Variants in ZNF793 observed in about 807,000 individuals in gnomAD.
The protein encoded by ZNF793 is zinc finger protein 793.
In ZNF793, 5 loss-of-function variants were observed where a neutral mutation model predicts 12.4. The ratio of observed to expected loss-of-function variants is 0.40; its 90% confidence interval spans 0.21 to 0.84. ZNF793 has a LOEUF of 0.84. ZNF793 is among the 40% of genes least tolerant of loss of function. The pLI is 0.35. For missense variants in ZNF793, 456 were observed against 495.0 expected, an observed-to-expected ratio of 0.92 and a Z score of 0.75; for synonymous variants, 162 against 172.4, an observed-to-expected ratio of 0.94 and a Z score of 0.47.
intron 7 of ZNF793, chr19:37,536,325 C>T: frequency 5.0e-6 from 2 of 397,170 alleles, no homozygotes. Context: ...AATGCAGAGT[C>T]TGATTAAGTA....
chr19:37,537,972 C>G lies in ZNF793; in HGVS notation c.*93C>G. ...TGTCACCCAGGCTGGAGTGCAGTGG[C>G]GCGATCTCGGCTTACTGCAAGCTCT... On this transcript the variant is annotated 3_prime_UTR_variant, in exon 8 of 8. Coordinates refer to ENST00000627814, the MANE Select transcript of ZNF793 (RefSeq NM_001013659.3). The G allele has an allele frequency of 7.2e-7, 1 of 1,382,358 alleles. No homozygotes were observed. Among genetic ancestry groups the G allele is most frequent in the East Asian group, 2.5e-5 (1 of 39,556 alleles). 85.6% of individuals were successfully genotyped at this position (1,382,358 alleles called of 1,614,324 possible).
In ZNF793 at chr19:37,525,140, C is replaced by CT. The variant is rs553421764; in HGVS notation, c.15+1700dup. 7.1e-3 allele frequency among the ~76,000 whole-genome samples: 1,025 copies of CT among 143,842 alleles called. 9 individuals are homozygous for CT. Among genetic ancestry groups the CT allele is most frequent in the African/African-American group, 0.018 (725 of 39,528 alleles). The allele number at this position is 143,842 out of a possible 152,430, so 94.4% of individuals were successfully genotyped here. A position where few individuals can be genotyped will look rare whatever the true frequency, so the allele number is the denominator to read the frequency against. ...CAAATGATTTCTTTCTGTTTTCTCT[C>CT]TTTTTTTTTTTTTTGAGTTGGAGTC... On this transcript the variant is annotated intron_variant, in intron 5 of 7. Transcript: ENST00000627814.
intron 5 of ZNF793, among the ~76,000 whole-genome samples, chr19:37,530,242 G>A (rs538076822): frequency 1.2e-4 from 19 of 152,122 alleles, no homozygotes; most frequent in East Asian, 7.7e-4. Context: ...GTTTTATACC[G>A]AGACATTCCA....
At chr19:37,509,384 A>T (rs1347831267) in intron 2 of ZNF793, among the ~76,000 whole-genome samples, 1 of 152,244 alleles carries the variant, frequency 6.6e-6, no homozygotes, top group Non-Finnish European at 1.5e-5. Context: ...TTAATGAAAA[A>T]GTGCAATGTC....
At chr19:37,522,076 G>A (rs557959877) in intron 3 of ZNF793, among the ~76,000 whole-genome samples, 1 of 152,138 alleles carries the variant, frequency 6.6e-6, no homozygotes, top group South Asian at 2.1e-4. Context: ...TGATTACAAA[G>A]TCAGTGTTAT....
Position 37,521,663 on chromosome 19 carries a change from G to A in ZNF793, c.-146-869G>A, listed in dbSNP as rs186928724. ...TCACTATGTTGGTCAGGCTTGTCTC[G>A]AACTCCCAACCTCAGGTGATACACC... On this transcript the variant is annotated intron_variant, in intron 3 of 7. Transcript: ENST00000627814. 3.2e-3 allele frequency among the ~76,000 whole-genome samples: 475 copies of A among 150,634 alleles called. 4 individuals carry two copies. Among genetic ancestry groups the A allele is most frequent in the African/African-American group, 0.011 (444 of 41,060 alleles).
At chr19:37,518,199 C>T (rs753842415) in intron 2 of ZNF793, among the ~76,000 whole-genome samples, 32 of 152,120 alleles carry the variant, frequency 2.1e-4, no homozygotes, top group Middle Eastern at 6.8e-3. Context: ...AATCTCGGCT[C>T]GCTGCAACCT....
At chr19:37,525,178 G>A (rs942159105) in intron 5 of ZNF793, among the ~76,000 whole-genome samples, 4 of 147,512 alleles carry the variant, frequency 2.7e-5, no homozygotes, top group South Asian at 2.1e-4. Flanking sequence ...GCTCTCTGTC[G>A]CCCAGGCTGG....
At chr19:37,529,183 TA>T (rs2042438410) in intron 5 of ZNF793, among the ~76,000 whole-genome samples, 1 of 152,192 alleles carries the variant, frequency 6.6e-6, no homozygotes. Context: ...TTGTGGGTAC[TA>T]GTAGGTGTGT....
At position 37,537,235 on chromosome 19, in the gene ZNF793, T is replaced by C. The variant is rs956453241; in HGVS notation, c.577T>C (p.Cys193Arg). The change falls in exon 8 of 8, where the codon TGT (cysteine) becomes CGT (arginine). Residue 193 changes from cysteine to arginine, a missense_variant. Coordinates refer to ENST00000627814, the MANE Select transcript of ZNF793 (RefSeq NM_001013659.3). ...AGAAAAGCCCCGGGGTTGCAGTCAC[T>C]GTGAGAAAGCTTTCACCCAGAACCC... ...NGEKPRGCSHCEKAFTQNPAL... is the reference protein window; with the variant it reads ...NGEKPRGCSHREKAFTQNPAL... 6.2e-7 allele frequency: 1 copy of C among 1,613,934 alleles called. No homozygotes were observed. Among genetic ancestry groups the C allele is most frequent in the Non-Finnish European group, 8.5e-7 (1 of 1,179,894 alleles).
chr19:37,522,495 G>A (rs1019779117), intron 3 of ZNF793, 37 bp from the exon 4 acceptor site: 1 of 152,196 alleles, frequency 6.6e-6, no homozygotes, highest in Non-Finnish European at 1.5e-5. Flanking sequence ...ACTGTGCCCG[G>A]GCCTATAGCA....
In ZNF793 at chr19:37,541,617, T is replaced by G. The variant is rs976985734; in HGVS notation, c.*3738T>G. On this transcript the variant is annotated 3_prime_UTR_variant, in exon 8 of 8. Transcript: ENST00000627814. ...TCACTTGAACCTGGAAGGCAGGGGT[T>G]GAAGTGAGCTGAGATTGCACCACTG... 6.6e-6 allele frequency: 1 copy of G among 151,810 alleles called. No individual in the cohort carries two copies. Among genetic ancestry groups the G allele is most frequent in the Non-Finnish European group, 1.5e-5 (1 of 68,042 alleles). The allele number at this position is 151,810 out of a possible 1,614,324, so 9.4% of individuals were successfully genotyped here.
chr19:37,514,314 C>T (rs966405915), intron 2 of ZNF793, among the ~76,000 whole-genome samples: 1 of 152,098 alleles, frequency 6.6e-6, no homozygotes, highest in Non-Finnish European at 1.5e-5. Flanking sequence ...TCTTATTGAG[C>T]CTTAAAGTGA....
intron 3 of ZNF793, among the ~76,000 whole-genome samples, chr19:37,521,402 C>T (rs1187947565): frequency 1.3e-5 from 2 of 149,552 alleles, no homozygotes; most frequent in East Asian, 2.0e-4. Flanking sequence ...GGATTACAGG[C>T]ATGAATCACC....
Position 37,509,426 on chromosome 19 carries a change from C to T in ZNF793, c.-276+1023C>T, listed in dbSNP as rs947095378. On this transcript the variant is annotated intron_variant, in intron 2 of 7. Transcript: ENST00000627814. ...ATATTTTAATTTTAAAAAATTATTACGTTTGATCTTTATGTAACCTTCAGA... is the reference window on the plus strand; with the variant it reads ...ATATTTTAATTTTAAAAAATTATTATGTTTGATCTTTATGTAACCTTCAGA... Among the ~76,000 whole-genome samples, 19 of 152,170 alleles carry T rather than the reference C, an allele frequency of 1.2e-4. No individual in the cohort carries two copies. The East Asian group carries it at 3.1e-3, about 25-fold the overall frequency.
chr19:37,525,061 C>G (rs1254656741), intron 5 of ZNF793, among the ~76,000 whole-genome samples: 2 of 152,040 alleles, frequency 1.3e-5, no homozygotes, highest in Admixed American at 1.3e-4. Context: ...TGCTTGCGAT[C>G]CACATATATA....
At position 37,537,814 on chromosome 19, in the gene ZNF793, C is replaced by A. The variant is rs780425827; in HGVS notation, c.1156C>A (p.Gln386Lys). The change falls in exon 8 of 8, where the codon CAG (glutamine) becomes AAG (lysine). Residue 386 changes from glutamine (Q) to lysine (K), a missense_variant. Physicochemically the swap from Gln to Lys is moderately conservative, Grantham distance 53. Transcript: ENST00000627814. ...CCAGAAGCCAAACCTCAGCAGACAT[C>A]AGAAAATTCATGCTCGGAAGAATGC... is the stretch of plus-strand genomic sequence containing the variant. ...FYQKPNLSRH[Q>K]KIHARKNAYR... 6.2e-7 allele frequency: 1 copy of A among 1,613,306 alleles called. No individual in the cohort carries two copies. Among genetic ancestry groups the A allele is most frequent in the Admixed American group, 1.7e-5 (1 of 59,970 alleles).
chr19:37,509,195 A>G (rs912504558), intron 2 of ZNF793, among the ~76,000 whole-genome samples: 1 of 152,192 alleles, frequency 6.6e-6, no homozygotes, highest in Non-Finnish European at 1.5e-5. Context: ...TGAATAATGT[A>G]CATTGTACCA....
rs1282548399 is a variant in ZNF793, at chr19:37,537,389, G to C, written c.731G>C (p.Arg244Thr). The change falls in exon 8 of 8, where the codon AGG (arginine) becomes ACG (threonine). Residue 244 changes from arginine to threonine, a missense_variant. Physicochemically the swap from Arg to Thr is moderately conservative, Grantham distance 71. Transcript: ENST00000627814. ...KAFCYKSEFI[R>T]HQRSHTGEKP... Reference sequence around the variant, plus strand: ...TTCTGCTACAAGTCTGAATTCATTAGGCATCAGAGAAGTCACACTGGGGAG... The same window carrying C: ...TTCTGCTACAAGTCTGAATTCATTACGCATCAGAGAAGTCACACTGGGGAG... 1 of 1,612,978 alleles carries C rather than the reference G, an allele frequency of 6.2e-7. No homozygotes were observed. Among genetic ancestry groups the C allele is most frequent in the South Asian group, 1.1e-5 (1 of 90,944 alleles).
Sources: gnomAD v4.1 joint callset for allele counts (sites outside exome capture counted in the v4.1 genomes callset) on GRCh38, gnomAD v4.1.1 for gene constraint, MANE v1.5 for transcripts, NCBI Gene and HGNC (gene_info 2026-07-23, HGNC 2026-07-21) for gene names.